LDAH: variants seen among roughly 807,000 people sequenced by gnomAD.
LDAH encodes lipid droplet-associated hydrolase.
In LDAH, 26 loss-of-function variants were observed where a neutral mutation model predicts 29.6. The observed-to-expected ratio is 0.88, with a 90% CI of 0.64 to 1.22. LDAH has a LOEUF of 1.22. LDAH is among the 50% of genes most tolerant of loss of function. The probability of loss-of-function intolerance (pLI) is 0.00; values close to 1 mark genes in which losing one functional copy is unlikely to be tolerated. For synonymous variants in LDAH, 117 were observed against 133.0 expected (o/e 0.88, Z 0.83); for missense variants, 344 against 387.3 (o/e 0.89, Z 0.94).
chr2:20,761,955 G>GA lies in LDAH; in HGVS notation c.468+12854dup, dbSNP rs956859724. On this transcript the variant is annotated intron_variant, in intron 4 of 6. Coordinates refer to ENST00000237822, the MANE Select transcript of LDAH (RefSeq NM_021925.4). ...ACAGAAAATTCAAAAATAAAAAATA[G>GA]AAAAAAAAAACCCAAACTCACCACT... 4.7e-3 allele frequency among the ~76,000 whole-genome samples: 681 copies of GA among 144,406 alleles called. 4 individuals are homozygous for GA. The highest frequency in any genetic ancestry group is 7.9e-3 in the Non-Finnish European group (518 of 65,440). The allele number at this position is 144,406 out of a possible 152,430, so 94.7% of individuals were successfully genotyped here.
At chr2:20,803,119 T>C (rs769257112) in intron 1 of LDAH, among the ~76,000 whole-genome samples, 24 of 152,196 alleles carry the variant, frequency 1.6e-4, no homozygotes, top group Non-Finnish European at 2.9e-4. Flanking sequence ...ATACAGTGAA[T>C]AGAGGCCAAG....
At chr2:20,785,872 AAG>A (rs1447050251) in intron 3 of LDAH, among the ~76,000 whole-genome samples, 1 of 152,056 alleles carries the variant, frequency 6.6e-6, no homozygotes, top group East Asian at 1.9e-4. Flanking sequence ...ATTCTTTCTT[AAG>A]AGTTCCCTAC....
chr2:20,753,455 C>G (rs1328710806), intron 4 of LDAH, among the ~76,000 whole-genome samples: 4 of 152,214 alleles, frequency 2.6e-5, no homozygotes, highest in Non-Finnish European at 5.9e-5. Flanking sequence ...AAGTACACAT[C>G]TATATGTAGC....
chr2:20,699,051 TTA>T (rs1663716389), intron 6 of LDAH, among the ~76,000 whole-genome samples: 1 of 152,200 alleles, frequency 6.6e-6, no homozygotes, highest in Non-Finnish European at 1.5e-5. Context: ...AGTAGAAAGC[TTA>T]TTTTTAGACT....
intron 4 of LDAH, among the ~76,000 whole-genome samples, chr2:20,774,086 A>T (rs935225057): frequency 2.6e-5 from 4 of 152,216 alleles, no homozygotes; most frequent in African/African-American, 9.6e-5. Context: ...ATGTTTGTTG[A>T]ATAAAGAAAT....
intron 5 of LDAH, among the ~76,000 whole-genome samples, chr2:20,724,823 T>G (rs2149405628): frequency 6.6e-6 from 1 of 152,376 alleles, no homozygotes; most frequent in East Asian, 1.9e-4. Flanking sequence ...CAAGTTGTGC[T>G]GCTGTTTTGG....
chr2:20,769,199 T>C (rs1261105903), intron 4 of LDAH, among the ~76,000 whole-genome samples: 1 of 152,144 alleles, frequency 6.6e-6, no homozygotes, highest in African/African-American at 2.4e-5. Context: ...AATCCTCTAC[T>C]TCCAGATACA....
intron 5 of LDAH, among the ~76,000 whole-genome samples, chr2:20,712,507 G>C (rs998463788): frequency 6.6e-6 from 1 of 152,186 alleles, no homozygotes; most frequent in Non-Finnish European, 1.5e-5. Flanking sequence ...CTCCTCGCCA[G>C]CAATGGAACA....
At chr2:20,731,671 C>T (rs1022518228) in intron 5 of LDAH, among the ~76,000 whole-genome samples, 1 of 152,098 alleles carries the variant, frequency 6.6e-6, no homozygotes, top group Non-Finnish European at 1.5e-5. Flanking sequence ...TTATGCCTAA[C>T]AATTTAATTT....
intron 4 of LDAH, among the ~76,000 whole-genome samples, chr2:20,751,035 T>C (rs1667935424): frequency 6.6e-6 from 1 of 152,182 alleles, no homozygotes; most frequent in African/African-American, 2.4e-5. Flanking sequence ...AAACTACCTA[T>C]TGGGTACTAT....
chr2:20,739,219 A>C (rs991924476), intron 5 of LDAH, among the ~76,000 whole-genome samples: 2 of 152,222 alleles, frequency 1.3e-5, no homozygotes, highest in Non-Finnish European at 1.5e-5. Flanking sequence ...TACATCGTTC[A>C]TTGGAGGTCG....
intron 1 of LDAH, among the ~76,000 whole-genome samples, chr2:20,821,316 T>C (rs954978906): frequency 2.0e-5 from 3 of 152,208 alleles, no homozygotes; most frequent in East Asian, 1.9e-4. Flanking sequence ...CACATGCACA[T>C]GTATGTTTAT....
At chr2:20,742,092 T>C (rs1667220907) in intron 4 of LDAH, among the ~76,000 whole-genome samples, 1 of 152,232 alleles carries the variant, frequency 6.6e-6, no homozygotes, top group Admixed American at 6.5e-5. Context: ...TTAATCTCCA[T>C]GTATTTTGGG....
chr2:20,732,349 C>T (rs2149424108), intron 5 of LDAH, among the ~76,000 whole-genome samples: 1 of 151,958 alleles, frequency 6.6e-6, no homozygotes, highest in Non-Finnish European at 1.5e-5. Flanking sequence ...GTAGTTTCTT[C>T]TTTTTTTGTA....
intron 4 of LDAH, among the ~76,000 whole-genome samples, chr2:20,740,624 T>C (rs1407015704): frequency 1.3e-5 from 2 of 152,186 alleles, no homozygotes; most frequent in Non-Finnish European, 2.9e-5. Context: ...CATTTCTTTT[T>C]AATGCTAAAA....
chr2:20,806,963 TTTACA>T (rs1381857716), intron 1 of LDAH, among the ~76,000 whole-genome samples: 2 of 151,200 alleles, frequency 1.3e-5, no homozygotes, highest in African/African-American at 2.4e-5. Context: ...GGAAAAAAAG[TTTACA>T]TTAGAGAGGA....
At chr2:20,800,616 T>A (rs1251733552) in intron 2 of LDAH, among the ~76,000 whole-genome samples, 1 of 135,952 alleles carries the variant, frequency 7.4e-6, no homozygotes, top group Admixed American at 7.0e-5. Context: ...TTTTAATTTT[T>A]ATTTTTTTAT....
intron 2 of LDAH, among the ~76,000 whole-genome samples, chr2:20,792,011 T>C (rs1405270975): frequency 1.3e-5 from 2 of 152,078 alleles, no homozygotes; most frequent in Non-Finnish European, 2.9e-5. Flanking sequence ...TGTTAACAGG[T>C]AGGGCAAATC....
At chr2:20,779,888 T>C (rs763250916) in intron 3 of LDAH, among the ~76,000 whole-genome samples, 1 of 152,208 alleles carries the variant, frequency 6.6e-6, no homozygotes, top group Non-Finnish European at 1.5e-5. Context: ...CTTTCTCACA[T>C]GGAATACAGA....
Sources: allele counts gnomAD v4.1 joint callset (sites outside exome capture counted in the v4.1 genomes callset), GRCh38; gene constraint gnomAD v4.1.1; transcripts MANE v1.5; gene names NCBI Gene and HGNC (gene_info 2026-07-23, HGNC 2026-07-21).